TNRC6B: variants seen among roughly 807,000 people sequenced by gnomAD.
TNRC6B encodes trinucleotide repeat-containing gene 6B protein.
Under a neutral mutation model 203.6 loss-of-function variants are expected in TNRC6B, and 52 were observed. The ratio of observed to expected loss-of-function variants is 0.26; its 90% confidence interval spans 0.20 to 0.32. TNRC6B has a LOEUF of 0.32. Among genes scored for constraint, TNRC6B ranks in the 10% least tolerant of loss-of-function variants. The pLI is 1.00. For synonymous variants in TNRC6B, 838 were observed against 845.7 expected, an observed-to-expected ratio of 0.99 and a Z score of 0.16; for missense variants, 1,923 against 2,286.2, an observed-to-expected ratio of 0.84 and a Z score of 3.24.
chr22:40,265,580 A>T lies in TNRC6B; in HGVS notation c.1350A>T (p.Gly450=), dbSNP rs778845780. 3.1e-6 allele frequency: 5 copies of T among 1,613,852 alleles called. No individual in the cohort carries two copies. Among genetic ancestry groups the T allele is most frequent in the Non-Finnish European group, 4.2e-6 (5 of 1,179,826 alleles). Residue 450 remains glycine, a synonymous_variant, in exon 5 of 23, where the codon GGA becomes GGT. Coordinates refer to ENST00000454349, the MANE Select transcript of TNRC6B (RefSeq NM_001162501.2). ...ATTCTGGAAACAATGGGAACAATGG[A>T]AAAGAGAGAGAGGACTCCTGGAAAG... The part of the protein sequence containing the change: ...QSNSGNNGNN[G]KEREDSWKGA...
chr22:40,251,407 A>G (rs1264416914), intron 3 of TNRC6B, among the ~76,000 whole-genome samples: 1 of 152,164 alleles, frequency 6.6e-6, no homozygotes, highest in Non-Finnish European at 1.5e-5. Context: ...TTAGGAGTCA[A>G]AAGAGTAAAT....
intron 15 of TNRC6B, among the ~76,000 whole-genome samples, chr22:40,305,796 C>T (rs964019617): frequency 5.9e-5 from 9 of 152,100 alleles, no homozygotes; most frequent in Admixed American, 3.3e-4. Flanking sequence ...GAAAAGTGCC[C>T]GCTTTCTCTA....
chr22:40,148,191 G>A (rs2068711542), intron 3 of TNRC6B, among the ~76,000 whole-genome samples: 1 of 151,830 alleles, frequency 6.6e-6, no homozygotes, highest in Non-Finnish European at 1.5e-5. Context: ...TCCACACAAA[G>A]TACTGCTATT....
intron 1 of TNRC6B, among the ~76,000 whole-genome samples, chr22:40,201,419 ATTTTCT>A (rs891079345): frequency 6.0e-5 from 9 of 150,094 alleles, no homozygotes; most frequent in African/African-American, 1.5e-4. Flanking sequence ...TGTTTGGTGC[ATTTTCT>A]TTTTCTTTTT....
At chr22:40,237,349 G>A (rs1416569553) in intron 1 of TNRC6B, among the ~76,000 whole-genome samples, 1 of 152,152 alleles carries the variant, frequency 6.6e-6, no homozygotes, top group Non-Finnish European at 1.5e-5. Context: ...TGTGAGGTGA[G>A]GTAGGACTAT....
At chr22:40,267,342 C>G (rs1441468748) in intron 5 of TNRC6B, among the ~76,000 whole-genome samples, 1 of 152,188 alleles carries the variant, frequency 6.6e-6, no homozygotes, top group Non-Finnish European at 1.5e-5. Context: ...AAACTATGTT[C>G]TAGATTTTAA....
rs754197544 is a variant in TNRC6B at position 40,316,045 on chromosome 22, G to A, written c.4974+33G>A. 2.5e-6 allele frequency: 4 copies of A among 1,592,118 alleles called. No homozygotes were observed. In the Admixed American group the frequency reaches 5.0e-5, roughly 20 times the overall value. ...TGCTTTCTCGCAGTTTTCTAGATAGGACTTGATTGTATTAAGAGAGAGGGA... is the reference window on the plus strand; with the variant it reads ...TGCTTTCTCGCAGTTTTCTAGATAGAACTTGATTGTATTAAGAGAGAGGGA... On this transcript the variant is annotated intron_variant, in intron 21 of 22. Coordinates refer to ENST00000454349, the MANE Select transcript of TNRC6B (RefSeq NM_001162501.2).
intron 7 of TNRC6B, among the ~76,000 whole-genome samples, chr22:40,275,698 C>T (rs1421385807): frequency 2.6e-5 from 4 of 152,088 alleles, no homozygotes; most frequent in Non-Finnish European, 1.5e-5. Context: ...GTGGCTCATG[C>T]CTGTAATCCC....
At chr22:40,302,014 A>C (rs1294671692) in intron 15 of TNRC6B, among the ~76,000 whole-genome samples, 1 of 152,232 alleles carries the variant, frequency 6.6e-6, no homozygotes. Flanking sequence ...TCATATTAAT[A>C]AAATTGCCTT....
intron 1 of TNRC6B, among the ~76,000 whole-genome samples, chr22:40,236,619 G>A (rs2069950976): frequency 6.6e-6 from 1 of 152,170 alleles, no homozygotes; most frequent in Admixed American, 6.5e-5. Flanking sequence ...TGCTGTTACA[G>A]CCAGTCATCC....
At chr22:40,290,686 C>T (rs976384918) in intron 12 of TNRC6B, among the ~76,000 whole-genome samples, 1 of 152,034 alleles carries the variant, frequency 6.6e-6, no homozygotes, top group Non-Finnish European at 1.5e-5. Flanking sequence ...GACCCGCTTG[C>T]TCCTTGTCTT....
chr22:40,334,140 T>C lies in TNRC6B; in HGVS notation c.*10899T>C, dbSNP rs1476641137. ...CATGGGTTCTGCCTGCCCTTGTATC[T>C]CTTGTACAATGCTCCCAAAGGGCTT... On this transcript the variant is annotated 3_prime_UTR_variant, in exon 23 of 23. Coordinates refer to ENST00000454349, the MANE Select transcript of TNRC6B (RefSeq NM_001162501.2). The C allele has an allele frequency of 6.5e-6, 1 of 152,694 alleles. No homozygotes were observed. The highest frequency in any genetic ancestry group is 2.4e-5 in the African/African-American group (1 of 41,440). The allele number at this position is 152,694 out of a possible 1,614,324, so 9.5% of individuals were successfully genotyped here.
intron 1 of TNRC6B, among the ~76,000 whole-genome samples, chr22:40,188,394 T>G (rs2069232020): frequency 6.6e-6 from 1 of 152,194 alleles, no homozygotes; most frequent in Non-Finnish European, 1.5e-5. Context: ...TCAGTCTTGT[T>G]TTTTGTTTGT....
chr22:40,282,868 CTTTT>C (rs2070735542), intron 11 of TNRC6B, among the ~76,000 whole-genome samples: 1 of 151,958 alleles, frequency 6.6e-6, no homozygotes. Context: ...AATTTGTATG[CTTTT>C]TTGAGTTAAA....
chr22:40,103,310 G>A (rs1376130070), intron 1 of TNRC6B, among the ~76,000 whole-genome samples: 3 of 149,074 alleles, frequency 2.0e-5, no homozygotes, highest in Non-Finnish European at 4.4e-5. Context: ...ATCATCATTC[G>A]CAACCCAGTT....
intron 1 of TNRC6B, among the ~76,000 whole-genome samples, chr22:40,208,126 AAAAAAAC>A (rs547068099): frequency 0.14 from 14,993 of 104,362 alleles, 987 homozygotes; most frequent in South Asian, 0.23. Flanking sequence ...AAAAAAAAAA[AAAAAAAC>A]AAAAAAACAA....
intron 9 of TNRC6B, among the ~76,000 whole-genome samples, chr22:40,278,256 C>T (rs191201104): frequency 5.5e-4 from 83 of 152,038 alleles, no homozygotes; most frequent in Non-Finnish European, 4.9e-4. Flanking sequence ...TGATGTGTGC[C>T]GGGTATAAGA....
At chr22:40,243,159 G>A (rs1264795396) in intron 1 of TNRC6B, among the ~76,000 whole-genome samples, 1 of 152,114 alleles carries the variant, frequency 6.6e-6, no homozygotes, top group Non-Finnish European at 1.5e-5. Flanking sequence ...GTGAGCCACC[G>A]CAACCGGCCT....
intron 2 of TNRC6B, among the ~76,000 whole-genome samples, chr22:40,248,293 C>T (rs2070137354): frequency 6.6e-6 from 1 of 152,184 alleles, no homozygotes; most frequent in Non-Finnish European, 1.5e-5. Context: ...TGAGATTAAA[C>T]CTCAGTGAAA....
Sources: gnomAD v4.1 joint callset for allele counts (sites outside exome capture counted in the v4.1 genomes callset) on GRCh38, gnomAD v4.1.1 for gene constraint, MANE v1.5 for transcripts, NCBI Gene and HGNC (gene_info 2026-07-23, HGNC 2026-07-21) for gene names.